Variants in HS2ST1 observed in about 807,000 individuals in gnomAD.
HS2ST1 encodes 2-O-sulfotransferase.
A neutral mutation model predicts 42.9 loss-of-function variants in HS2ST1; 18 were observed. That is an observed-to-expected ratio of 0.42 (90% confidence interval 0.29 to 0.62). The LOEUF is 0.62. HS2ST1 is among the 20% of genes least tolerant of loss of function. HS2ST1 has a pLI of 0.21. For synonymous variants in HS2ST1, 146 were observed against 152.9 expected, an observed-to-expected ratio of 0.95 and a Z score of 0.33; for missense variants, 334 against 433.8, an observed-to-expected ratio of 0.77 and a Z score of 2.04.
At chr1:87,014,884 C>T (rs1025748861) in intron 1 of HS2ST1, among the ~76,000 whole-genome samples, 2 of 152,126 alleles carry the variant, frequency 1.3e-5, no homozygotes, top group Non-Finnish European at 2.9e-5. Context: ...TATTGTCTTC[C>T]TAACTTCTAT....
chr1:87,088,339 T>G (rs1651861045), intron 3 of HS2ST1, among the ~76,000 whole-genome samples: 1 of 152,090 alleles, frequency 6.6e-6, no homozygotes, highest in Non-Finnish European at 1.5e-5. Context: ...TCAAGTCTTT[T>G]GAGTGTCTTC....
At chr1:86,958,491 T>C (rs1259106637) in intron 1 of HS2ST1, 1 of 152,364 alleles carries the variant, frequency 6.6e-6, no homozygotes, top group Non-Finnish European at 1.5e-5. Context: ...GTGGCAAAGG[T>C]GGAAGAAAAT....
At chr1:87,094,791 A>G (rs775117152) in intron 4 of HS2ST1, among the ~76,000 whole-genome samples, 3 of 152,082 alleles carry the variant, frequency 2.0e-5, no homozygotes, top group African/African-American at 4.8e-5. Flanking sequence ...CCTGACTATA[A>G]TAAGGCCTGG....
chr1:87,100,654 G>A (rs1180902616), intron 5 of HS2ST1, among the ~76,000 whole-genome samples: 1 of 152,150 alleles, frequency 6.6e-6, no homozygotes, highest in Non-Finnish European at 1.5e-5. Flanking sequence ...AGGCTTTCCA[G>A]TGGGAGTGGT....
At chr1:87,056,404 C>T (rs1470352100) in intron 1 of HS2ST1, among the ~76,000 whole-genome samples, 1 of 152,104 alleles carries the variant, frequency 6.6e-6, no homozygotes, top group African/African-American at 2.4e-5. Flanking sequence ...TCTGTCATAG[C>T]AAGAGAAAAT....
At chr1:87,030,571 ATAAGT>A (rs751791688) in intron 1 of HS2ST1, among the ~76,000 whole-genome samples, 73 of 152,318 alleles carry the variant, frequency 4.8e-4, no homozygotes, top group Non-Finnish European at 8.5e-4. Flanking sequence ...TGAAATAAAA[ATAAGT>A]TAATTCAGTA....
At chr1:87,068,260 C>T (rs1651304368) in intron 1 of HS2ST1, among the ~76,000 whole-genome samples, 1 of 152,092 alleles carries the variant, frequency 6.6e-6, no homozygotes, top group Non-Finnish European at 1.5e-5. Flanking sequence ...GTTTATAGTT[C>T]TCCTTGACGA....
intron 1 of HS2ST1, among the ~76,000 whole-genome samples, chr1:86,947,426 CTGT>C (rs1647374271): frequency 6.6e-6 from 1 of 152,130 alleles, no homozygotes; most frequent in South Asian, 2.1e-4. Context: ...AGAAAAATAT[CTGT>C]TGTTTGCGTA....
chr1:87,074,424 T>C (rs1651491106), intron 2 of HS2ST1, among the ~76,000 whole-genome samples: 1 of 152,238 alleles, frequency 6.6e-6, no homozygotes. Flanking sequence ...AAAAGGAATA[T>C]GTATTCATGC....
chr1:87,098,904 C>T (rs1279479668), intron 5 of HS2ST1, among the ~76,000 whole-genome samples: 2 of 152,112 alleles, frequency 1.3e-5, no homozygotes, highest in African/African-American at 2.4e-5. Flanking sequence ...CTCAGCCTCC[C>T]GAATAGCTGG....
intron 1 of HS2ST1, among the ~76,000 whole-genome samples, chr1:86,957,685 T>C (rs1391530000): frequency 6.6e-6 from 1 of 152,142 alleles, no homozygotes; most frequent in Non-Finnish European, 1.5e-5. Flanking sequence ...AATGTAATAA[T>C]GTACTAATAA....
chr1:87,022,417 A>G (rs1649975945), intron 1 of HS2ST1, among the ~76,000 whole-genome samples: 1 of 152,206 alleles, frequency 6.6e-6, no homozygotes, highest in African/African-American at 2.4e-5. Flanking sequence ...TTGCACCATA[A>G]AAAACACAGA....
At chr1:87,042,244 G>A (rs568762235) in intron 1 of HS2ST1, among the ~76,000 whole-genome samples, 1 of 152,136 alleles carries the variant, frequency 6.6e-6, no homozygotes, top group East Asian at 1.9e-4. Context: ...CAGATATGTG[G>A]TTAGCAAATA....
intron 1 of HS2ST1, among the ~76,000 whole-genome samples, chr1:86,927,330 G>A (rs1217719125): frequency 6.6e-6 from 1 of 152,130 alleles, no homozygotes; most frequent in African/African-American, 2.4e-5. Flanking sequence ...CTTGCTAAAG[G>A]TAGTTAGGTT....
At chr1:87,075,486 T>C (rs1178418374) in intron 2 of HS2ST1, among the ~76,000 whole-genome samples, 1 of 152,150 alleles carries the variant, frequency 6.6e-6, no homozygotes, top group Non-Finnish European at 1.5e-5. Flanking sequence ...TTAAATGAAC[T>C]ATTTTGCTCT....
intron 1 of HS2ST1, among the ~76,000 whole-genome samples, chr1:87,034,912 C>G (rs1189029486): frequency 6.6e-6 from 1 of 152,064 alleles, no homozygotes; most frequent in African/African-American, 2.4e-5. Context: ...GGGCGATTAT[C>G]CTGGATTATG....
At chr1:87,080,557 G>A (rs1651659296) in intron 2 of HS2ST1, among the ~76,000 whole-genome samples, 1 of 151,992 alleles carries the variant, frequency 6.6e-6, no homozygotes, top group Admixed American at 6.6e-5. Context: ...CCCCCAGCAG[G>A]AACATCAAAT....
At chr1:87,005,961 A>T (rs1022765135) in intron 1 of HS2ST1, among the ~76,000 whole-genome samples, 3 of 152,158 alleles carry the variant, frequency 2.0e-5, no homozygotes, top group Admixed American at 1.3e-4. Context: ...TTTTTGAGTG[A>T]AAAGAAAGAT....
intron 1 of HS2ST1, among the ~76,000 whole-genome samples, chr1:86,985,441 TACACATATATAC>T (rs1648743058): frequency 5.9e-5 from 2 of 34,054 alleles, no homozygotes; most frequent in African/African-American, 5.5e-5. Flanking sequence ...CACACATATA[TACACATATATAC>T]ACACATATAT....
Sources: allele counts gnomAD v4.1 joint callset (sites outside exome capture counted in the v4.1 genomes callset), GRCh38; gene constraint gnomAD v4.1.1; transcripts MANE v1.5; gene names NCBI Gene and HGNC (gene_info 2026-07-23, HGNC 2026-07-21).